The following TBL1Y variants were observed in gnomAD, a reference collection of about 807,000 sequenced individuals.
TBL1Y encodes the protein F-box-like/WD repeat-containing protein TBL1Y.
TBL1Y carries 15 observed loss-of-function variants against 12.0 expected under a neutral mutation model. The observed-to-expected ratio is 1.25, with a 90% CI of 0.83 to 1.92. The LOEUF (loss-of-function observed/expected upper bound fraction) is 1.92. Among genes scored for constraint, TBL1Y ranks in the 40% most tolerant of loss-of-function variants. TBL1Y has a pLI of 0.00. For synonymous variants in TBL1Y, 53 were observed against 42.6 expected (o/e 1.24, Z -0.95); for missense variants, 148 against 116.7 (o/e 1.27, Z -1.24).
chrY:6,928,137 G>C, intron 2 of TBL1Y, among the ~76,000 whole-genome samples: 1 of 33,674 alleles, frequency 3.0e-5, no homozygotes, highest in Non-Finnish European at 7.3e-5. Context: ...TTCCAGATCA[G>C]ATTTTTAGTT....
At chrY:7,043,708 C>T (rs2012741819) in intron 7 of TBL1Y, among the ~76,000 whole-genome samples, 1 of 33,274 alleles carries the variant, frequency 3.0e-5, no homozygotes, top group African/African-American at 1.2e-4. Flanking sequence ...TCACTGGCTG[C>T]TGAATGATGG....
intron 5 of TBL1Y, 82 bp downstream of exon 5, chrY:7,021,619 G>A: frequency 3.0e-5 from 1 of 33,576 alleles, no homozygotes; most frequent in African/African-American, 1.2e-4. Context: ...TTGCCAAAAC[G>A]CAATCCCTTC....
chrY:6,958,953 T>C (rs2012093093), intron 2 of TBL1Y, among the ~76,000 whole-genome samples: 4 of 33,828 alleles, frequency 1.2e-4, no homozygotes, highest in Non-Finnish European at 2.9e-4. Flanking sequence ...CCTCTTTTAC[T>C]AACCCGCCTC....
chrY:6,999,639 GTT>G lies in TBL1Y; in HGVS notation c.-140+3758_-140+3759del, dbSNP rs754791887. 0.012 allele frequency among the ~76,000 whole-genome samples: 155 copies of G among 12,997 alleles called. No homozygotes were observed. The Middle Eastern group carries it at 0.24, about 20-fold the overall frequency. The allele number at this position is 12,997 out of a possible 37,273, so 34.9% of individuals were successfully genotyped here. A position where few individuals can be genotyped will look rare whatever the true frequency, so the allele number is the denominator to read the frequency against. ...ATATGAAAGAGGATGGCTTTCATTT[GTT>G]TTTTTTTTTTTTTTTTCCTTTTCTT... On this transcript the variant is annotated intron_variant, in intron 4 of 18. Transcript: ENST00000383032.
chrY:6,966,064 C>A, intron 2 of TBL1Y, among the ~76,000 whole-genome samples: 3 of 32,511 alleles, frequency 9.2e-5, no homozygotes. Flanking sequence ...AGACACTTTG[C>A]ATATTTTTCC....
intron 4 of TBL1Y, among the ~76,000 whole-genome samples, chrY:7,013,989 T>A: frequency 5.9e-5 from 2 of 33,961 alleles, no homozygotes; most frequent in African/African-American, 2.3e-4. Flanking sequence ...TTGTCTCAGA[T>A]GACACTTTGA....
chrY:7,063,097 C>G, intron 7 of TBL1Y, among the ~76,000 whole-genome samples: 3 of 33,209 alleles, frequency 9.0e-5, no homozygotes, highest in Non-Finnish European at 2.2e-4. Context: ...ACCCCTGAGA[C>G]CGCCACAAGG....
intron 2 of TBL1Y, among the ~76,000 whole-genome samples, chrY:6,951,590 G>T: frequency 6.0e-5 from 2 of 33,125 alleles, no homozygotes; most frequent in Non-Finnish European, 1.5e-4. Flanking sequence ...CTTGCTAGCG[G>T]TCTATCAGTT....
intron 8 of TBL1Y, among the ~76,000 whole-genome samples, chrY:7,064,634 G>A (rs2012959475): frequency 3.0e-5 from 1 of 33,507 alleles, no homozygotes; most frequent in Non-Finnish European, 7.4e-5. Context: ...GCAAGTACAT[G>A]GTAAGTCAGT....
At chrY:6,967,419 C>T (rs2012176783) in intron 2 of TBL1Y, among the ~76,000 whole-genome samples, 1 of 32,142 alleles carries the variant, frequency 3.1e-5, no homozygotes, top group Non-Finnish European at 7.6e-5. Context: ...GACAGACTTT[C>T]GCTCTTGTTG....
intron 7 of TBL1Y, among the ~76,000 whole-genome samples, chrY:7,060,330 C>G: frequency 6.2e-5 from 2 of 32,501 alleles, no homozygotes; most frequent in African/African-American, 2.4e-4. Context: ...GCATAAATTC[C>G]CTTTTATACC....
intron 6 of TBL1Y, among the ~76,000 whole-genome samples, chrY:7,035,716 T>C (rs774368502): frequency 3.0e-5 from 1 of 33,177 alleles, no homozygotes; most frequent in Admixed American, 2.7e-4. Flanking sequence ...CAAAACACCA[T>C]ATGTTCTCAC....
intron 7 of TBL1Y, among the ~76,000 whole-genome samples, chrY:7,045,139 G>A (rs1603043315): frequency 3.0e-5 from 1 of 33,108 alleles, no homozygotes; most frequent in East Asian, 8.0e-4. Context: ...TGTTACCAGT[G>A]GAAGGTGTCC....
rs753273998 is a variant in TBL1Y at position 7,062,107 on chromosome Y, G to T, written c.205-1790G>T. On this transcript the variant is annotated intron_variant, in intron 7 of 18. Coordinates refer to ENST00000383032, the MANE Select transcript of TBL1Y (RefSeq NM_033284.2). ...GGAATTTGGAATGGGATCTGAGGTG[G>T]CCGTGGCTGTCTGAGGGGAAAGACT... is the stretch of plus-strand genomic sequence containing the variant. Among the ~76,000 whole-genome samples, 7 of 32,107 alleles carry T rather than the reference G, an allele frequency of 2.2e-4. No individual in the cohort carries two copies. In the South Asian group the frequency reaches 5.2e-3, roughly 24 times the overall value. 86.1% of individuals were successfully genotyped at this position (32,107 alleles called of 37,273 possible). A position where few individuals can be genotyped will look rare whatever the true frequency, so the allele number is the denominator to read the frequency against.
intron 2 of TBL1Y, among the ~76,000 whole-genome samples, chrY:6,918,059 T>C (rs2011748133): frequency 3.0e-5 from 1 of 32,787 alleles, no homozygotes. Context: ...GAAGTGTCTT[T>C]AGGAAAAAGG....
intron 6 of TBL1Y, among the ~76,000 whole-genome samples, chrY:7,031,111 G>T (rs894741445): frequency 6.0e-5 from 2 of 33,394 alleles, no homozygotes; most frequent in Non-Finnish European, 1.5e-4. Context: ...TACTTCACCT[G>T]CAGTACTTCT....
At chrY:7,068,027 C>T (rs2012998554) in intron 8 of TBL1Y, among the ~76,000 whole-genome samples, 1 of 33,130 alleles carries the variant, frequency 3.0e-5, no homozygotes, top group East Asian at 7.9e-4. Flanking sequence ...GCAGGCCAGG[C>T]GCGGTGGCTC....
intron 2 of TBL1Y, among the ~76,000 whole-genome samples, chrY:6,964,577 CTTG>C (rs2012155167): frequency 3.0e-5 from 1 of 33,287 alleles, no homozygotes; most frequent in South Asian, 6.8e-4. Flanking sequence ...TGTACATATT[CTTG>C]TACTCCATCA....
chrY:7,062,059 G>C, intron 7 of TBL1Y, among the ~76,000 whole-genome samples: 1 of 32,456 alleles, frequency 3.1e-5, no homozygotes, highest in African/African-American at 1.2e-4. Context: ...GTTATGAGGA[G>C]GAGGGCTCAT....
Sources: gnomAD v4.1 joint callset for allele counts (sites outside exome capture counted in the v4.1 genomes callset) on GRCh38, gnomAD v4.1.1 for gene constraint, MANE v1.5 for transcripts, NCBI Gene and HGNC (gene_info 2026-07-23, HGNC 2026-07-21) for gene names.